Variants in DPP6 observed in about 807,000 individuals in gnomAD.
DPP6 encodes dipeptidyl peptidase like 6, also known as A-type potassium channel modulatory protein DPP6.
In DPP6, 69 loss-of-function variants were observed where a neutral mutation model predicts 122.6. The observed-to-expected ratio is 0.56, with a 90% CI of 0.46 to 0.69. DPP6 has a LOEUF of 0.69. Among genes scored for constraint, DPP6 ranks in the 30% least tolerant of loss-of-function variants. DPP6 has a pLI of 0.00. For synonymous variants in DPP6, 418 were observed against 433.1 expected (o/e 0.97, Z 0.43); for missense variants, 928 against 1,116.9 (o/e 0.83, Z 2.41).
chr7:154,807,953 A>G (rs1297105210), intron 16 of DPP6, among the ~76,000 whole-genome samples: 1 of 152,242 alleles, frequency 6.6e-6, no homozygotes, highest in African/African-American at 2.4e-5. Context: ...AGCATACACA[A>G]AAGAGTAGGC....
upstream of DPP6, among the ~76,000 whole-genome samples, chr7:154,051,369 A>G (rs1800301517): frequency 1.4e-5 from 2 of 147,024 alleles, no homozygotes; most frequent in Non-Finnish European, 3.0e-5. Flanking sequence ...CGTGGGGACG[A>G]GACGAGAGAG....
the DPP6 span, among the ~76,000 whole-genome samples, chr7:153,875,664 A>C: frequency 6.6e-6 from 1 of 151,994 alleles, no homozygotes; most frequent in Admixed American, 6.6e-5. Flanking sequence ...ATATATTTTG[A>C]ATTTATGGGG....
At chr7:154,878,700 C>T (rs1278392771) in intron 20 of DPP6, among the ~76,000 whole-genome samples, 2 of 152,170 alleles carry the variant, frequency 1.3e-5, no homozygotes, top group South Asian at 2.1e-4. Context: ...GAAGGGAGCT[C>T]GTCCCACCCC....
chr7:154,191,247 A>G (rs1302073342), intron 1 of DPP6, among the ~76,000 whole-genome samples: 1 of 152,236 alleles, frequency 6.6e-6, no homozygotes, highest in African/African-American at 2.4e-5. Flanking sequence ...TTTATAAACG[A>G]TTACATGGTC....
At chr7:154,494,123 G>A (rs1824520590) in intron 3 of DPP6, among the ~76,000 whole-genome samples, 2 of 152,164 alleles carry the variant, frequency 1.3e-5, no homozygotes, top group Non-Finnish European at 2.9e-5. Flanking sequence ...GGAGGCCAAA[G>A]CCGAAACATC....
chr7:154,026,234 A>G (rs80053593), intron 1 of DPP6: 5 of 152,154 alleles, frequency 3.3e-5, no homozygotes, highest in South Asian at 2.1e-4. Context: ...TTCTGGGAAA[A>G]TTAATAGAGC....
intron 1 of DPP6, among the ~76,000 whole-genome samples, chr7:154,120,054 A>G (rs1317673978): frequency 6.6e-6 from 1 of 151,964 alleles, no homozygotes; most frequent in Non-Finnish European, 1.5e-5. Context: ...AAAGGTTGTT[A>G]CTCTATAATA....
At chr7:154,568,639 A>G (rs1830920313) in intron 5 of DPP6, among the ~76,000 whole-genome samples, 1 of 152,186 alleles carries the variant, frequency 6.6e-6, no homozygotes, top group South Asian at 2.1e-4. Flanking sequence ...CCATTGAACC[A>G]GAAACCATTT....
At chr7:154,301,293 A>G (rs1043239785) in intron 1 of DPP6, among the ~76,000 whole-genome samples, 6 of 152,188 alleles carry the variant, frequency 3.9e-5, no homozygotes, top group Non-Finnish European at 8.8e-5. Flanking sequence ...ATGCCAAGTC[A>G]GTATTCATTG....
At chr7:154,202,128 C>T (rs1054424643) in intron 1 of DPP6, among the ~76,000 whole-genome samples, 6 of 152,242 alleles carry the variant, frequency 3.9e-5, no homozygotes, top group African/African-American at 1.2e-4. Context: ...TGATAAAGCA[C>T]TATATAAAAT....
At chr7:154,433,519 C>T (rs772830023) in intron 1 of DPP6, among the ~76,000 whole-genome samples, 3 of 151,908 alleles carry the variant, frequency 2.0e-5, no homozygotes, top group Admixed American at 6.6e-5. Flanking sequence ...GAAACACAAA[C>T]GTTCTCCCAC....
At chr7:154,652,056 G>A (rs1284201716) in intron 6 of DPP6, among the ~76,000 whole-genome samples, 1 of 152,170 alleles carries the variant, frequency 6.6e-6, no homozygotes, top group Non-Finnish European at 1.5e-5. Context: ...TGGAAGAGGA[G>A]ATGGCATGAT....
intron 1 of DPP6, among the ~76,000 whole-genome samples, chr7:154,054,362 G>C (rs1425751614): frequency 6.6e-6 from 1 of 152,100 alleles, no homozygotes; most frequent in African/African-American, 2.4e-5. Flanking sequence ...ATTCCTAATT[G>C]CCAGATACTA....
the DPP6 span, among the ~76,000 whole-genome samples, chr7:153,795,139 C>T: frequency 8.2e-3 from 1,246 of 152,248 alleles, 14 homozygotes; most frequent in African/African-American, 0.028. Flanking sequence ...AGAATCTGGC[C>T]GGTGCAGTGG....
chr7:154,235,242 C>T (rs1280519729), intron 1 of DPP6, among the ~76,000 whole-genome samples: 4 of 152,220 alleles, frequency 2.6e-5, no homozygotes, highest in Non-Finnish European at 5.9e-5. Context: ...TGCACCTGTT[C>T]TGGTCAGCTC....
intron 2 of DPP6, among the ~76,000 whole-genome samples, chr7:154,460,091 C>T (rs1821164064): frequency 1.3e-5 from 2 of 148,150 alleles, no homozygotes; most frequent in Admixed American, 6.9e-5. Context: ...AAGTGATTCT[C>T]CTGCCTCAGC....
At chr7:153,924,454 GATGATGATGACA>G (rs1468334312) in intron 1 of DPP6, among the ~76,000 whole-genome samples, 1 of 152,136 alleles carries the variant, frequency 6.6e-6, no homozygotes, top group Non-Finnish European at 1.5e-5. Context: ...ATTGGTGTTT[GATGATGATGACA>G]ATGATGATGA....
intron 1 of DPP6, among the ~76,000 whole-genome samples, chr7:154,085,396 T>A (rs1804333689): frequency 6.6e-6 from 1 of 152,204 alleles, no homozygotes; most frequent in Non-Finnish European, 1.5e-5. Flanking sequence ...TCTTCTGACA[T>A]CTCTTAAATA....
intron 1 of DPP6, among the ~76,000 whole-genome samples, chr7:154,177,856 T>C (rs1260804988): frequency 1.3e-5 from 2 of 152,218 alleles, no homozygotes; most frequent in African/African-American, 4.8e-5. Flanking sequence ...ACGCTTCGTA[T>C]AACCCATAGG....
Sources: allele counts gnomAD v4.1 joint callset (sites outside exome capture counted in the v4.1 genomes callset), GRCh38; gene constraint gnomAD v4.1.1; transcripts MANE v1.5; gene names NCBI Gene and HGNC (gene_info 2026-07-23, HGNC 2026-07-21).